The following C13orf42 variants were observed in gnomAD, a reference collection of about 807,000 sequenced individuals.
C13orf42 encodes uncharacterized protein C13orf42.
intron 1 of C13orf42, among the ~76,000 whole-genome samples, chr13:51,167,088 A>AT (rs1310257218): frequency 6.6e-6 from 1 of 151,848 alleles, no homozygotes; most frequent in Non-Finnish European, 1.5e-5. Flanking sequence ...CAAAAAAAAA[A>AT]CAAAAAACCA....
chr13:51,150,309 T>C (rs898760517), intron 1 of C13orf42, among the ~76,000 whole-genome samples: 2 of 152,194 alleles, frequency 1.3e-5, no homozygotes, highest in Non-Finnish European at 2.9e-5. Context: ...TATGTCACAA[T>C]TTTCAAATTT....
chr13:51,099,794 C>G (rs1414107834), intron 1 of C13orf42, among the ~76,000 whole-genome samples: 2 of 152,172 alleles, frequency 1.3e-5, no homozygotes, highest in African/African-American at 4.8e-5. Context: ...GCCACCTCAC[C>G]TGGCCCAGCT....
intron 1 of C13orf42, among the ~76,000 whole-genome samples, chr13:51,170,032 C>A (rs1211551645): frequency 3.9e-5 from 6 of 152,148 alleles, no homozygotes; most frequent in Non-Finnish European, 8.8e-5. Context: ...CCGGTCCTTG[C>A]CTTAACTGAT....
At chr13:51,136,475 G>A (rs1166116513) in intron 1 of C13orf42, among the ~76,000 whole-genome samples, 1 of 152,170 alleles carries the variant, frequency 6.6e-6, no homozygotes, top group Non-Finnish European at 1.5e-5. Context: ...GGCAGAGAAG[G>A]ATTTGGACAG....
rs1408014270 is a variant in C13orf42, at chr13:51,111,075, G to A, written c.135C>T (p.His45=). The A allele has an allele frequency of 1.5e-5, 6 of 398,512 alleles. No homozygotes were observed. Among genetic ancestry groups the A allele is most frequent in the Admixed American group, 4.4e-5 (1 of 22,704 alleles). The allele number at this position is 398,512 out of a possible 1,614,324, so 24.7% of individuals were successfully genotyped here. A position where few individuals can be genotyped will look rare whatever the true frequency, so the allele number is the denominator to read the frequency against. ...RSSSMYVVGD[H]GEKFSESLKK... ...TTAAGGACTCGCTGAATTTCTCCCC[G>A]TGGTCCCCGACCACATACATGGAAC... is the stretch of plus-strand genomic sequence containing the variant. Residue 45 remains histidine (H), a synonymous_variant, in exon 1 of 4, where the codon CAC becomes CAT. Coordinates refer to ENST00000563710, the MANE Select transcript of C13orf42 (RefSeq NM_001351589.3).
chr13:51,148,441 G>GC (rs1953754991), intron 1 of C13orf42, among the ~76,000 whole-genome samples: 2 of 152,240 alleles, frequency 1.3e-5, no homozygotes, highest in South Asian at 4.1e-4. Flanking sequence ...CCCACAGGGT[G>GC]CCATGCAGAG....
intron 1 of C13orf42, among the ~76,000 whole-genome samples, chr13:51,096,350 C>T (rs1455155774): frequency 1.3e-5 from 2 of 152,130 alleles, no homozygotes; most frequent in African/African-American, 2.4e-5. Context: ...CTCAGGCAGG[C>T]GCTGTGTCCC....
chr13:51,120,786 G>A (rs780511162), intron 1 of C13orf42, among the ~76,000 whole-genome samples: 2 of 152,174 alleles, frequency 1.3e-5, no homozygotes, highest in Non-Finnish European at 2.9e-5. Flanking sequence ...GGCTGAGGCA[G>A]GTGCATCACT....
chr13:51,120,320 A>G (rs1054745292), intron 1 of C13orf42, among the ~76,000 whole-genome samples: 8 of 152,102 alleles, frequency 5.3e-5, no homozygotes, highest in Admixed American at 4.6e-4. Flanking sequence ...CCGGCCTCCT[A>G]TATCTATTGT....
rs551070384 is a variant in C13orf42 at position 51,146,523 on chromosome 13, G to C, written n.136+25730C>G. Among the ~76,000 whole-genome samples, 5 of 152,340 alleles carry C rather than the reference G, an allele frequency of 3.3e-5. No homozygotes were observed. In the East Asian group the frequency reaches 9.6e-4, roughly 29 times the overall value. On this transcript the variant is annotated intron_variant and non_coding_transcript_variant, in intron 1 of 4. Coordinates refer to the C13orf42 transcript ENST00000433280. The stretch of plus-strand genomic sequence containing the variant: ...GTCCTGATAACATGTGCCCAAGGTG[G>C]TCTGAGCACAACTTGGTTTTATACA...
chr13:51,164,993 G>A (rs1266745102), intron 1 of C13orf42, among the ~76,000 whole-genome samples: 1 of 152,198 alleles, frequency 6.6e-6, no homozygotes, highest in African/African-American at 2.4e-5. Context: ...TTTAGCATAT[G>A]ATGGCACTGA....
chr13:51,132,798 G>A (rs765351479), intron 1 of C13orf42, among the ~76,000 whole-genome samples: 4 of 152,108 alleles, frequency 2.6e-5, no homozygotes, highest in Non-Finnish European at 4.4e-5. Context: ...GGAGGTTAAG[G>A]CATTTTAAGT....
intron 1 of C13orf42, among the ~76,000 whole-genome samples, chr13:51,170,556 C>T (rs553125617): frequency 9.7e-4 from 148 of 152,294 alleles, no homozygotes; most frequent in Non-Finnish European, 1.1e-3. Flanking sequence ...TCAATCTCTC[C>T]CTTCTCTTAA....
At chr13:51,095,695 TTTCA>T (rs2137984617) in intron 1 of C13orf42, among the ~76,000 whole-genome samples, 2 of 152,282 alleles carry the variant, frequency 1.3e-5, no homozygotes, top group African/African-American at 4.8e-5. Context: ...TTTCCGGTCT[TTTCA>T]TTTGGTTCTT....
intron 1 of C13orf42, among the ~76,000 whole-genome samples, chr13:51,129,649 C>T (rs576347831): frequency 1.7e-4 from 26 of 152,228 alleles, no homozygotes; most frequent in South Asian, 4.2e-4. Flanking sequence ...ACCAGTTGAA[C>T]GCACGACAAA....
chr13:51,133,756 T>C (rs1953636823), intron 1 of C13orf42, among the ~76,000 whole-genome samples: 1 of 152,092 alleles, frequency 6.6e-6, no homozygotes, highest in Non-Finnish European at 1.5e-5. Context: ...TGTCAACCTT[T>C]TGCCTCCTGC....
intron 1 of C13orf42, among the ~76,000 whole-genome samples, chr13:51,154,124 CA>C (rs1953806869): frequency 6.6e-6 from 1 of 152,170 alleles, no homozygotes; most frequent in Non-Finnish European, 1.5e-5. Context: ...TTTCACTCAG[CA>C]TAATGTCCTT....
rs572825710 is a variant in C13orf42 at position 51,161,198 on chromosome 13, C to T, written n.136+11055G>A. 4.9e-4 allele frequency among the ~76,000 whole-genome samples: 66 copies of T among 134,002 alleles called. 1 individual carries two copies. The highest frequency in any genetic ancestry group is 1.6e-3 in the African/African-American group (61 of 39,198). 87.9% of individuals were successfully genotyped at this position (134,002 alleles called of 152,430 possible). On this transcript the variant is annotated intron_variant and non_coding_transcript_variant, in intron 1 of 4. Coordinates refer to the C13orf42 transcript ENST00000433280. ...ATAACAACTTCACTAATTCATATAA[C>T]ATTTCCCTAAATCATAATTTTATTG...
At chr13:51,118,992 T>A (rs1380732844) in intron 1 of C13orf42, among the ~76,000 whole-genome samples, 1 of 151,944 alleles carries the variant, frequency 6.6e-6, no homozygotes, top group Non-Finnish European at 1.5e-5. Context: ...GTGTACAGTG[T>A]GCCCAGGTGT....
Sources: gnomAD v4.1 joint callset for allele counts (sites outside exome capture counted in the v4.1 genomes callset) on GRCh38, gnomAD v4.1.1 for gene constraint, MANE v1.5 for transcripts, NCBI Gene and HGNC (gene_info 2026-07-23, HGNC 2026-07-21) for gene names.